The following GABRB1 variants were observed in gnomAD, a reference collection of about 807,000 sequenced individuals.
GABRB1 encodes gamma-aminobutyric acid receptor subunit beta-1.
In GABRB1, 17 loss-of-function variants were observed where a neutral mutation model predicts 51.6. That is an observed-to-expected ratio of 0.33 (90% CI 0.23 to 0.49). GABRB1 has a LOEUF of 0.49. Among genes scored for constraint, GABRB1 ranks in the 20% least tolerant of loss-of-function variants. The pLI is 0.99. For synonymous variants in GABRB1, 247 were observed against 218.9 expected, an observed-to-expected ratio of 1.13 and a Z score of -1.14; for missense variants, 410 against 600.6, an observed-to-expected ratio of 0.68 and a Z score of 3.32.
intron 4 of GABRB1, among the ~76,000 whole-genome samples, chr4:47,170,432 C>T (rs1249549146): frequency 6.6e-6 from 1 of 151,872 alleles, no homozygotes; most frequent in Non-Finnish European, 1.5e-5. Context: ...CACACGCACA[C>T]ACACACATTA....
intron 3 of GABRB1, among the ~76,000 whole-genome samples, chr4:47,071,333 C>T (rs1560520644): frequency 6.6e-6 from 1 of 152,304 alleles, no homozygotes; most frequent in South Asian, 2.1e-4. Flanking sequence ...CAAGTCAGAT[C>T]ATGTTCCTCC....
intron 4 of GABRB1, among the ~76,000 whole-genome samples, chr4:47,169,221 A>T (rs969323985): frequency 2.0e-5 from 3 of 152,132 alleles, no homozygotes; most frequent in African/African-American, 7.2e-5. Context: ...TTATTTATGA[A>T]CTATACTACT....
intron 4 of GABRB1, among the ~76,000 whole-genome samples, chr4:47,264,917 C>G (rs1018842703): frequency 3.3e-5 from 5 of 152,198 alleles, no homozygotes; most frequent in Non-Finnish European, 7.3e-5. Context: ...GCACTATGTG[C>G]TTTCTGTGAT....
chr4:47,236,579 TTTTA>T (rs1721342028), intron 4 of GABRB1, among the ~76,000 whole-genome samples: 1 of 152,150 alleles, frequency 6.6e-6, no homozygotes, highest in African/African-American at 2.4e-5. Context: ...TTGCCCAAAT[TTTTA>T]GAGTACTAAG....
chr4:47,354,809 G>T (rs1383638582), intron 5 of GABRB1, among the ~76,000 whole-genome samples: 5 of 150,740 alleles, frequency 3.3e-5, no homozygotes, highest in Non-Finnish European at 7.4e-5. Context: ...TAGATGTATA[G>T]TTCCTTCATC....
At chr4:47,347,296 A>G (rs1383128162) in intron 5 of GABRB1, among the ~76,000 whole-genome samples, 4 of 151,746 alleles carry the variant, frequency 2.6e-5, no homozygotes, top group African/African-American at 9.7e-5. Context: ...AATAATAATA[A>G]TAATAATTAA....
intron 4 of GABRB1, among the ~76,000 whole-genome samples, chr4:47,227,799 A>C (rs1271019354): frequency 6.6e-6 from 1 of 152,120 alleles, no homozygotes; most frequent in Non-Finnish European, 1.5e-5. Context: ...AGGTGTCAGC[A>C]GGTTTGGTTT....
At chr4:47,244,485 A>G (rs1721661944) in intron 4 of GABRB1, among the ~76,000 whole-genome samples, 2 of 152,208 alleles carry the variant, frequency 1.3e-5, no homozygotes, top group South Asian at 2.1e-4. Flanking sequence ...TACCTCTGGT[A>G]GAATTCAGCT....
chr4:47,390,175 G>C (rs113861282), intron 5 of GABRB1, among the ~76,000 whole-genome samples: 16 of 152,270 alleles, frequency 1.1e-4, no homozygotes, highest in African/African-American at 3.9e-4. Context: ...TTTGGCCAGG[G>C]GACTGCTATG....
intron 4 of GABRB1, among the ~76,000 whole-genome samples, chr4:47,297,527 C>T (rs138999014): frequency 0.012 from 1,901 of 152,152 alleles, 73 homozygotes; most frequent in East Asian, 0.067. Flanking sequence ...ATAAATTCCT[C>T]GACACATACA....
intron 5 of GABRB1, among the ~76,000 whole-genome samples, chr4:47,377,817 C>G (rs1447625026): frequency 6.6e-6 from 1 of 152,180 alleles, no homozygotes; most frequent in African/African-American, 2.4e-5. Flanking sequence ...TACAGAGTGT[C>G]CATTGGTGCA....
At chr4:47,167,103 C>G (rs1718224193) in intron 4 of GABRB1, among the ~76,000 whole-genome samples, 1 of 152,010 alleles carries the variant, frequency 6.6e-6, no homozygotes, top group Admixed American at 6.6e-5. Flanking sequence ...AATAGATGCC[C>G]AATAAATGTT....
chr4:47,043,618 T>C (rs1725954548), intron 3 of GABRB1, among the ~76,000 whole-genome samples: 4 of 152,084 alleles, frequency 2.6e-5, no homozygotes. Flanking sequence ...GACAGAGATA[T>C]GAGCCAAAAC....
intron 5 of GABRB1, among the ~76,000 whole-genome samples, chr4:47,384,140 TAAAATTTTTGAAAGA>T (rs1159790222): frequency 6.6e-6 from 1 of 152,058 alleles, no homozygotes; most frequent in African/African-American, 2.4e-5. Flanking sequence ...ATTCACCACG[TAAAATTTTTGAAAGA>T]AAAAATCATC....
rs1022672585 is a variant in GABRB1, at chr4:47,324,514, G to C, written c.544+4305G>C. On this transcript the variant is annotated intron_variant, in intron 5 of 8. Coordinates refer to ENST00000295454, the MANE Select transcript of GABRB1 (RefSeq NM_000812.4). ...TAATCTCTCTTTCTTTTTCTCCAAA[G>C]TACTTGAAAGGATAATCTATATCTG... 6.6e-5 allele frequency among the ~76,000 whole-genome samples: 10 copies of C among 152,074 alleles called. 1 individual carries two copies. Among genetic ancestry groups the C allele is most frequent in the African/African-American group, 1.7e-4 (7 of 41,408 alleles).
intron 4 of GABRB1, among the ~76,000 whole-genome samples, chr4:47,172,705 G>C (rs576342921): frequency 7.6e-6 from 1 of 131,504 alleles, no homozygotes; most frequent in Non-Finnish European, 1.5e-5. Flanking sequence ...GCAGTGGCAC[G>C]GTCTCAACTC....
chr4:47,286,371 T>C (rs1723509091), intron 4 of GABRB1, among the ~76,000 whole-genome samples: 1 of 152,192 alleles, frequency 6.6e-6, no homozygotes, highest in Admixed American at 6.5e-5. Context: ...TATAAGTATA[T>C]TGTGATATTT....
In GABRB1 at chr4:47,036,321, C is replaced by T. The variant is rs114559002; in HGVS notation, c.240+3837C>T. The stretch of plus-strand genomic sequence containing the variant: ...TACTTCAATTATATCTCATTACTAT[C>T]ACTGTGGTGACTCAAAACAGTAACT... On this transcript the variant is annotated intron_variant, in intron 3 of 8. Transcript: ENST00000295454. Among the ~76,000 whole-genome samples, 684 of 152,252 alleles carry T rather than the reference C, an allele frequency of 4.5e-3. 5 individuals carry two copies. Among genetic ancestry groups the T allele is most frequent in the Non-Finnish European group, 7.7e-3 (521 of 68,002 alleles).
chr4:47,253,861 A>G (rs1722080860), intron 4 of GABRB1, among the ~76,000 whole-genome samples: 1 of 152,174 alleles, frequency 6.6e-6, no homozygotes, highest in Non-Finnish European at 1.5e-5. Context: ...TCATAATGAA[A>G]TTGCTTTAGT....
Sources: gnomAD v4.1 joint callset for allele counts (sites outside exome capture counted in the v4.1 genomes callset) on GRCh38, gnomAD v4.1.1 for gene constraint, MANE v1.5 for transcripts, NCBI Gene and HGNC (gene_info 2026-07-23, HGNC 2026-07-21) for gene names.